KANK1: variants seen among roughly 807,000 people sequenced by gnomAD.
KANK1 encodes KN motif and ankyrin repeat domains 1.
Under a neutral mutation model 106.2 loss-of-function variants are expected in KANK1, and 109 were observed. The ratio of observed to expected loss-of-function variants is 1.03; its 90% confidence interval spans 0.88 to 1.20. The LOEUF (loss-of-function observed/expected upper bound fraction) is 1.20. Ranked by LOEUF, KANK1 falls within the 50% of genes most tolerant of loss-of-function variation. The pLI, the probability that KANK1 is intolerant of heterozygous loss-of-function variation, is 0.00. For synonymous variants in KANK1, 873 were observed against 652.2 expected (o/e 1.34, Z -5.16); for missense variants, 2,399 against 1,710.7 (o/e 1.40, Z -7.10).
chr9:635,476 A>G (rs189495463), intron 1 of KANK1, among the ~76,000 whole-genome samples: 1 of 152,052 alleles, frequency 6.6e-6, no homozygotes, highest in African/African-American at 2.4e-5. Flanking sequence ...CTTTTCCCCA[A>G]AATGCTAAGA....
At chr9:655,889 A>G (rs1033122923) in intron 1 of KANK1, among the ~76,000 whole-genome samples, 7 of 152,198 alleles carry the variant, frequency 4.6e-5, no homozygotes, top group Non-Finnish European at 8.8e-5. Flanking sequence ...TTGCTTTAGT[A>G]TGACACATGT....
intron 1 of KANK1, among the ~76,000 whole-genome samples, chr9:645,322 C>T (rs1384891757): frequency 1.4e-5 from 2 of 148,076 alleles, no homozygotes; most frequent in Non-Finnish European, 3.0e-5. Context: ...CATCTGTAAT[C>T]CCAGCTACTG....
intron 3 of KANK1, among the ~76,000 whole-genome samples, chr9:491,443 T>A (rs2058376404): frequency 6.6e-6 from 1 of 151,914 alleles, no homozygotes; most frequent in Non-Finnish European, 1.5e-5. Context: ...AATTTTTGTA[T>A]TTTTTAGTAG....
In KANK1 at chr9:711,955, G is replaced by T. The variant is rs1261842182; in HGVS notation, c.1189G>T (p.Glu397Ter). The T allele has an allele frequency of 6.2e-7, 1 of 1,614,092 alleles. No individual in the cohort carries two copies. Among genetic ancestry groups the T allele is most frequent in the Middle Eastern group, 1.6e-4 (1 of 6,082 alleles). The change falls in exon 3 of 12, where the codon GAG becomes TAG. Residue 397 changes from glutamate to a stop codon, truncating the protein, a stop_gained. Transcript: ENST00000382297. LOFTEE classifies it high-confidence loss of function. ...CTCCTCAGAGCTCAGGGAGAATGGA[G>T]AGTGCCGGTCTGTGGCTGTGGGTGC... ...EASSELRENG[E>*]CRSVAVGAEE...
chr9:610,816 C>T (rs760045390), intron 1 of KANK1, among the ~76,000 whole-genome samples: 4 of 152,074 alleles, frequency 2.6e-5, no homozygotes, highest in Non-Finnish European at 4.4e-5. Flanking sequence ...TCTTCTAGAC[C>T]CAGAGGCAGA....
chr9:628,851 C>A (rs775524426), intron 1 of KANK1, among the ~76,000 whole-genome samples: 3 of 151,926 alleles, frequency 2.0e-5, no homozygotes, highest in African/African-American at 7.3e-5. Context: ...GGTCAAAGTG[C>A]GCAGATCACT....
chr9:478,495 AC>A (rs1397152661), intron 3 of KANK1: 3 of 152,350 alleles, frequency 2.0e-5, no homozygotes, highest in African/African-American at 7.2e-5. Context: ...TGTCAGTAGT[AC>A]AAGTCAACCA....
chr9:596,978 G>A (rs1193422237), intron 1 of KANK1, among the ~76,000 whole-genome samples: 1 of 151,838 alleles, frequency 6.6e-6, no homozygotes, highest in East Asian at 1.9e-4. Flanking sequence ...GATACCACAT[G>A]TAAAATAAAT....
chr9:694,655 T>C (rs1353350536), intron 2 of KANK1, among the ~76,000 whole-genome samples: 1 of 152,164 alleles, frequency 6.6e-6, no homozygotes, highest in Non-Finnish European at 1.5e-5. Context: ...TAGCACAATG[T>C]GCCCTTTATT....
In KANK1 at chr9:740,919, T is replaced by A. The variant is rs1216187474; in HGVS notation, c.3681T>A (p.Asn1227Lys). 1 of 1,614,200 alleles carries A rather than the reference T, an allele frequency of 6.2e-7. No individual in the cohort carries two copies. ...VEELFGCGDV[N>K]AKASQAGQTA... ...AACTCTTCGGCTGTGGGGATGTGAA[T>A]GCCAAAGCTAGTCAGGTTAGTGCGC... is the stretch of plus-strand genomic sequence containing the variant. The change falls in exon 9 of 12, where the codon AAT becomes AAA. Residue 1227 changes from asparagine to lysine, a missense_variant. Transcript: ENST00000382297.
intron 2 of KANK1, among the ~76,000 whole-genome samples, chr9:471,927 C>G (rs1276807772): frequency 6.6e-6 from 1 of 152,152 alleles, no homozygotes; most frequent in Non-Finnish European, 1.5e-5. Context: ...CTGCGGCTGA[C>G]TCCCCGAGCA....
chr9:550,282 G>T (rs1253002027), intron 1 of KANK1, among the ~76,000 whole-genome samples: 1 of 151,970 alleles, frequency 6.6e-6, no homozygotes, highest in Non-Finnish European at 1.5e-5. Flanking sequence ...TCTTAACTGG[G>T]TTTTATGAAA....
intron 3 of KANK1, chr9:484,286 G>C (rs1265167763): frequency 6.6e-6 from 1 of 152,210 alleles, no homozygotes; most frequent in African/African-American, 2.4e-5. Context: ...TTTCAGGCTA[G>C]CTGTGTGGCC....
At chr9:721,095 A>G (rs1829193820) in intron 3 of KANK1, among the ~76,000 whole-genome samples, 1 of 152,222 alleles carries the variant, frequency 6.6e-6, no homozygotes, top group Non-Finnish European at 1.5e-5. Flanking sequence ...TTGTATTACC[A>G]AGGCTTTGAC....
At chr9:600,052 G>T (rs956549661) in intron 1 of KANK1, among the ~76,000 whole-genome samples, 3 of 151,560 alleles carry the variant, frequency 2.0e-5, no homozygotes, top group African/African-American at 7.3e-5. Flanking sequence ...TTTGTGTTAG[G>T]CATAACACAT....
intron 2 of KANK1, among the ~76,000 whole-genome samples, chr9:692,521 T>A (rs1449987684): frequency 6.6e-6 from 1 of 150,734 alleles, no homozygotes; most frequent in African/African-American, 2.4e-5. Flanking sequence ...TTTTTTTTTT[T>A]ACTTTAAACT....
intron 2 of KANK1, among the ~76,000 whole-genome samples, chr9:690,408 C>T (rs1400103587): frequency 6.6e-6 from 1 of 151,838 alleles, no homozygotes; most frequent in Non-Finnish European, 1.5e-5. Flanking sequence ...TAAGCAGTAG[C>T]AGTAGAATAG....
At chr9:541,143 CAG>C (rs1415245497) in intron 1 of KANK1, among the ~76,000 whole-genome samples, 2 of 151,046 alleles carry the variant, frequency 1.3e-5, no homozygotes, top group Admixed American at 6.6e-5. Context: ...CACAAAAAAA[CAG>C]AGAGCTGGAG....
chr9:649,808 C>T (rs963324479), intron 1 of KANK1, among the ~76,000 whole-genome samples: 1 of 152,166 alleles, frequency 6.6e-6, no homozygotes, highest in African/African-American at 2.4e-5. Flanking sequence ...GTGTAAAATG[C>T]TTTTGTCCCC....
Sources: gnomAD v4.1 joint callset for allele counts (sites outside exome capture counted in the v4.1 genomes callset) on GRCh38, gnomAD v4.1.1 for gene constraint, MANE v1.5 for transcripts, NCBI Gene and HGNC (gene_info 2026-07-23, HGNC 2026-07-21) for gene names.